The following ZBTB43 variants were observed in gnomAD, a reference collection of about 807,000 sequenced individuals.
The protein encoded by ZBTB43 is zinc finger and BTB domain-containing protein 43.
Under a neutral mutation model 31.1 loss-of-function variants are expected in ZBTB43, and 6 were observed. That is an observed-to-expected ratio of 0.19 (90% CI 0.11 to 0.38). The LOEUF (loss-of-function observed/expected upper bound fraction) is 0.38. Ranked by LOEUF, ZBTB43 falls within the 10% of genes least tolerant of loss-of-function variation. ZBTB43 has a pLI of 1.00. For synonymous variants in ZBTB43, 212 were observed against 221.7 expected, an observed-to-expected ratio of 0.96 and a Z score of 0.39; for missense variants, 379 against 602.1, an observed-to-expected ratio of 0.63 and a Z score of 3.88.
At chr9:126,807,761 G>A (rs1409463171) in intron 1 of ZBTB43, among the ~76,000 whole-genome samples, 3 of 151,908 alleles carry the variant, frequency 2.0e-5, no homozygotes, top group Admixed American at 6.6e-5. Flanking sequence ...TCAACCTCCC[G>A]AGTAGCTGGG....
chr9:126,814,085 T>G (rs1181792040), intron 2 of ZBTB43, among the ~76,000 whole-genome samples: 1 of 152,140 alleles, frequency 6.6e-6, no homozygotes, highest in Non-Finnish European at 1.5e-5. Context: ...CTATAGATTC[T>G]TGTCCTTTGC....
intron 2 of ZBTB43, among the ~76,000 whole-genome samples, chr9:126,817,393 G>A (rs371754989): frequency 6.6e-6 from 1 of 151,718 alleles, no homozygotes; most frequent in African/African-American, 2.4e-5. Context: ...TTACAGGCAT[G>A]AGCCACCATG....
rs183804078 is a variant in ZBTB43 at position 126,835,896 on chromosome 9, A to G, written c.*1983A>G. 3.2e-4 allele frequency: 53 copies of G among 166,900 alleles called. No homozygotes were observed. Among genetic ancestry groups the G allele is most frequent in the African/African-American group, 1.1e-3 (45 of 41,460 alleles). 10.3% of individuals were successfully genotyped at this position (166,900 alleles called of 1,614,324 possible). The stretch of plus-strand genomic sequence containing the variant: ...CAAGCCTATTGTCTCCTTTTCTTTC[A>G]CTCATGGTAGAGGCCAGTGGGTTTT... On this transcript the variant is annotated 3_prime_UTR_variant, in exon 3 of 3. Transcript: ENST00000373464.
At chr9:126,812,553 A>C (rs112964262) in intron 2 of ZBTB43, among the ~76,000 whole-genome samples, 2,119 of 152,220 alleles carry the variant, frequency 0.014, 54 homozygotes, top group African/African-American at 0.048. Flanking sequence ...AGGTTATAAT[A>C]CCTACACATC....
chr9:126,831,513 A>T (rs1160331378), intron 2 of ZBTB43: 1 of 151,912 alleles, frequency 6.6e-6, no homozygotes, highest in Non-Finnish European at 1.5e-5. Flanking sequence ...TTTAAAAAAA[A>T]ATTCTGCCAG....
intron 2 of ZBTB43, among the ~76,000 whole-genome samples, chr9:126,830,337 CT>C (rs1277313251): frequency 6.6e-6 from 1 of 152,210 alleles, no homozygotes; most frequent in Non-Finnish European, 1.5e-5. Context: ...TTGTCTGGCT[CT>C]TTTATATCAT....
rs3837241 is a variant in ZBTB43 at position 126,837,103 on chromosome 9, CAA to C, written c.*3205_*3206del. On this transcript the variant is annotated 3_prime_UTR_variant, in exon 3 of 3. Transcript: ENST00000373464. ...TGCGCGACAGATCGAGACTCTGTCT[CAA>C]AAAAAAAAAAAAAATTCATACTTAT... 7.9e-4 allele frequency: 102 copies of C among 129,662 alleles called. No homozygotes were observed. Among genetic ancestry groups the C allele is most frequent in the Non-Finnish European group, 1.3e-4 (7 of 55,600 alleles). 8.0% of individuals were successfully genotyped at this position (129,662 alleles called of 1,614,324 possible). A position where few individuals can be genotyped will look rare whatever the true frequency, so the allele number is the denominator to read the frequency against.
intron 2 of ZBTB43, among the ~76,000 whole-genome samples, chr9:126,825,782 A>G (rs983543106): frequency 1.3e-5 from 2 of 151,782 alleles, no homozygotes; most frequent in Non-Finnish European, 2.9e-5. Context: ...AATGCAGTTC[A>G]GCCCGTAATG....
At chr9:126,809,285 G>A (rs889536034) in intron 2 of ZBTB43, among the ~76,000 whole-genome samples, 6 of 152,162 alleles carry the variant, frequency 3.9e-5, no homozygotes, top group South Asian at 2.1e-4. Flanking sequence ...GCAATGATAC[G>A]GGAGTGTTGC....
rs1445575593 is a variant in ZBTB43, at chr9:126,810,130, C to T, written c.-24+1215C>T. Among the ~76,000 whole-genome samples the T allele has an allele frequency of 5.3e-5, 8 of 151,870 alleles. No homozygotes were observed. In the East Asian group the frequency reaches 9.6e-4, roughly 18 times the overall value. ...GATTACAGACGTGAGCCACCGCGCC[C>T]GGCCCACTAACTGCTGGTATCTTAT... On this transcript the variant is annotated intron_variant, in intron 2 of 2. Coordinates refer to ENST00000373464, the MANE Select transcript of ZBTB43 (RefSeq NM_014007.4).
At chr9:126,830,082 C>G (rs1325572314) in intron 2 of ZBTB43, among the ~76,000 whole-genome samples, 2 of 152,148 alleles carry the variant, frequency 1.3e-5, no homozygotes, top group African/African-American at 4.8e-5. Context: ...ATCACATAGA[C>G]TTTAGAGTCA....
intron 2 of ZBTB43, among the ~76,000 whole-genome samples, chr9:126,813,707 A>T (rs576575272): frequency 1.3e-5 from 2 of 152,322 alleles, no homozygotes; most frequent in Non-Finnish European, 2.9e-5. Context: ...CCAGAATGCC[A>T]TGTGATTTAT....
At chr9:126,816,442 C>T (rs2119128350) in intron 2 of ZBTB43, among the ~76,000 whole-genome samples, 1 of 152,196 alleles carries the variant, frequency 6.6e-6, no homozygotes, top group East Asian at 1.9e-4. Flanking sequence ...ACTGTGTTTT[C>T]ATGAAGTTTG....
intron 2 of ZBTB43, among the ~76,000 whole-genome samples, chr9:126,827,988 G>A (rs2032679035): frequency 6.6e-6 from 1 of 151,882 alleles, no homozygotes; most frequent in Admixed American, 6.6e-5. Flanking sequence ...TTGCACTCCA[G>A]CCTGGGCAAC....
At chr9:126,819,190 A>G (rs959504234) in intron 2 of ZBTB43, among the ~76,000 whole-genome samples, 4 of 151,958 alleles carry the variant, frequency 2.6e-5, no homozygotes, top group African/African-American at 9.7e-5. Context: ...GGTCTAACAC[A>G]TGATCTATCC....
chr9:126,832,342 C>T, intron 2 of ZBTB43, 145 bp from the exon 3 acceptor site: 1 of 731,314 alleles, frequency 1.4e-6, no homozygotes, highest in Non-Finnish European at 2.2e-6. Context: ...GCAAGCTTTG[C>T]TCTAGGGATT....
At chr9:126,819,544 A>G (rs1367202215) in intron 2 of ZBTB43, among the ~76,000 whole-genome samples, 5 of 152,046 alleles carry the variant, frequency 3.3e-5, no homozygotes, top group African/African-American at 9.7e-5. Context: ...TAGTCAATAA[A>G]TGTGTGTTCT....
chr9:126,838,156 T>A lies in ZBTB43; in HGVS notation c.*4243T>A, dbSNP rs1315498223. 1 of 165,476 alleles carries A rather than the reference T, an allele frequency of 6.0e-6. No homozygotes were observed. Among genetic ancestry groups the A allele is most frequent in the African/African-American group, 2.4e-5 (1 of 41,480 alleles). 10.3% of individuals were successfully genotyped at this position (165,476 alleles called of 1,614,324 possible). A position where few individuals can be genotyped will look rare whatever the true frequency, so the allele number is the denominator to read the frequency against. On this transcript the variant is annotated 3_prime_UTR_variant, in exon 3 of 3. Coordinates refer to ENST00000373464, the MANE Select transcript of ZBTB43 (RefSeq NM_014007.4). The stretch of plus-strand genomic sequence containing the variant: ...TAATATTTTCTTCTTATAGAAGAGA[T>A]CATGCCCTTTTGTATGACATGTTTT...
At chr9:126,808,244 A>G (rs1379063003) in intron 1 of ZBTB43, among the ~76,000 whole-genome samples, 2 of 152,204 alleles carry the variant, frequency 1.3e-5, no homozygotes, top group African/African-American at 4.8e-5. Context: ...AGTTTGCTGT[A>G]ATAGAATGTT....
Sources: allele counts gnomAD v4.1 joint callset (sites outside exome capture counted in the v4.1 genomes callset), GRCh38; gene constraint gnomAD v4.1.1; transcripts MANE v1.5; gene names NCBI Gene and HGNC (gene_info 2026-07-23, HGNC 2026-07-21).